MLANA: variants seen among roughly 807,000 people sequenced by gnomAD.
MLANA encodes melanoma antigen recognized by T-cells 1.
Under a neutral mutation model 15.7 loss-of-function variants are expected in MLANA, and 21 were observed. That is an observed-to-expected ratio of 1.33 (90% confidence interval 0.95 to 1.92). The LOEUF is 1.92. MLANA is among the 40% of genes most tolerant of loss of function. MLANA has a pLI of 0.00. For missense variants in MLANA, 164 were observed against 143.8 expected (o/e 1.14, Z -0.72); for synonymous variants, 56 against 51.5 (o/e 1.09, Z -0.37).
rs887810052 is a variant in MLANA at position 5,910,163 on chromosome 9, T to A, written c.*1455T>A. ...GCTGTCTTTGACATAACTGGAAGGCTTACAAGAGTTTTAAAGAAATTACTT... is the reference window on the plus strand; with the variant it reads ...GCTGTCTTTGACATAACTGGAAGGCATACAAGAGTTTTAAAGAAATTACTT... On this transcript the variant is annotated 3_prime_UTR_variant, in exon 5 of 5. Coordinates refer to ENST00000381477, the MANE Select transcript of MLANA (RefSeq NM_005511.2). 8.5e-5 allele frequency: 13 copies of A among 152,346 alleles called. No individual in the cohort carries two copies. In the East Asian group the frequency reaches 1.9e-3, roughly 23 times the overall value. The allele number at this position is 152,346 out of a possible 1,614,324, so 9.4% of individuals were successfully genotyped here. A position where few individuals can be genotyped will look rare whatever the true frequency, so the allele number is the denominator to read the frequency against.
chr9:5,906,159 T>TAGG (rs1266131115), intron 3 of MLANA, among the ~76,000 whole-genome samples: 1 of 149,574 alleles, frequency 6.7e-6, no homozygotes, highest in Non-Finnish European at 1.5e-5. Context: ...AAGACCAGCC[T>TAGG]AGGCAACTTA....
At chr9:5,908,212 AG>A (rs1204743663) in intron 4 of MLANA, among the ~76,000 whole-genome samples, 1 of 152,222 alleles carries the variant, frequency 6.6e-6, no homozygotes, top group Non-Finnish European at 1.5e-5. Context: ...CATTAAATGA[AG>A]CCCTGACACA....
chr9:5,896,493 G>A (rs1832032108), intron 2 of MLANA, among the ~76,000 whole-genome samples: 1 of 152,192 alleles, frequency 6.6e-6, no homozygotes, highest in Non-Finnish European at 1.5e-5. Flanking sequence ...TGAGACAGAA[G>A]TTGTCCAGTA....
At chr9:5,906,404 T>TCC (rs1324839156) in intron 3 of MLANA, among the ~76,000 whole-genome samples, 1 of 152,162 alleles carries the variant, frequency 6.6e-6, no homozygotes, top group Non-Finnish European at 1.5e-5. Context: ...TTCTTGGATG[T>TCC]TCTTCCTTTA....
At chr9:5,908,544 G>T in intron 4 of MLANA, 96 bp from the exon 5 acceptor site, 1 of 1,086,002 alleles carries the variant, frequency 9.2e-7, no homozygotes, top group Non-Finnish European at 1.4e-6. Context: ...CAGTCCACAG[G>T]GAAAGTATAA....
At chr9:5,900,019 A>G (rs1832312241) in intron 3 of MLANA, among the ~76,000 whole-genome samples, 1 of 152,238 alleles carries the variant, frequency 6.6e-6, no homozygotes, top group African/African-American at 2.4e-5. Flanking sequence ...TTCATTATAT[A>G]TTTGTATATC....
chr9:5,899,790 A>G (rs1483944516), intron 3 of MLANA, among the ~76,000 whole-genome samples: 1 of 152,180 alleles, frequency 6.6e-6, no homozygotes, highest in Non-Finnish European at 1.5e-5. Context: ...TCATCTTCAT[A>G]TCTCCAGTGC....
At chr9:5,898,977 C>T (rs1343890353) in intron 3 of MLANA, 5 of 152,116 alleles carry the variant, frequency 3.3e-5, no homozygotes, top group Non-Finnish European at 7.3e-5. Flanking sequence ...TTACACAATC[C>T]AATCTTCTGG....
At position 5,897,890 on chromosome 9, in the gene MLANA, C is replaced by T. The variant is rs534944680; in HGVS notation, c.174+237C>T. Among the ~76,000 whole-genome samples the T allele has an allele frequency of 2.9e-3, 448 of 152,228 alleles. 3 individuals are homozygous for T. The highest frequency in any genetic ancestry group is 6.8e-3 in the Middle Eastern group (2 of 294). ...CTTAGTCTGTGATTATAACATAATA[C>T]GAGAGACTGTAATTTATAAATAAAT... On this transcript the variant is annotated intron_variant, in intron 3 of 4. Coordinates refer to ENST00000381477, the MANE Select transcript of MLANA (RefSeq NM_005511.2).
At chr9:5,893,434 C>T (rs1188878815) in intron 2 of MLANA, among the ~76,000 whole-genome samples, 3 of 152,160 alleles carry the variant, frequency 2.0e-5, no homozygotes, top group East Asian at 3.8e-4. Flanking sequence ...AACAGTCAAC[C>T]GCAGGGACCA....
chr9:5,894,034 G>C lies in MLANA; in HGVS notation c.77+1483G>C, dbSNP rs1455370772. On this transcript the variant is annotated intron_variant, in intron 2 of 4. Transcript: ENST00000381477. This position sits in a 1 kb window ranked among gnomAD's most constrained non-coding sequence, Gnocchi z 4.0. ...GGCGCTGGGATTTAAATCCAGGTCT[G>C]TTTGCCTCCAGAGTCCATGCTCTTA... Among the ~76,000 whole-genome samples the C allele has an allele frequency of 6.6e-6, 1 of 152,072 alleles. No individual in the cohort carries two copies. Among genetic ancestry groups the C allele is most frequent in the Non-Finnish European group, 1.5e-5 (1 of 68,030 alleles).
intron 2 of MLANA, among the ~76,000 whole-genome samples, chr9:5,895,943 A>C (rs1011219477): frequency 6.6e-6 from 1 of 152,240 alleles, no homozygotes; most frequent in African/African-American, 2.4e-5. Context: ...TGGACGCCAC[A>C]GGGTAAAATG....
intron 4 of MLANA, 61 bp downstream of exon 4, chr9:5,907,059 A>T: frequency 9.2e-7 from 1 of 1,091,560 alleles, no homozygotes; most frequent in Non-Finnish European, 1.3e-6. Context: ...TCAAGTGAAT[A>T]CAATTATTTC....
chr9:5,906,358 G>GA (rs1286393758), intron 3 of MLANA, among the ~76,000 whole-genome samples: 4 of 148,106 alleles, frequency 2.7e-5, no homozygotes, highest in African/African-American at 5.1e-5. Flanking sequence ...GAAAAGAAAA[G>GA]AAAAAAAAAG....
intron 3 of MLANA, chr9:5,898,970 C>T (rs758329722): frequency 6.6e-6 from 1 of 152,182 alleles, no homozygotes; most frequent in Non-Finnish European, 1.5e-5. Flanking sequence ...AACACAATTA[C>T]ACAATCCAAT....
intron 2 of MLANA, among the ~76,000 whole-genome samples, chr9:5,895,383 CTTTT>C (rs547452355): frequency 7.0e-6 from 1 of 143,766 alleles, no homozygotes; most frequent in African/African-American, 2.5e-5. Flanking sequence ...GGGCCATCTT[CTTTT>C]TTTTTTTTTA....
chr9:5,903,415 T>C (rs1218686571), intron 3 of MLANA, among the ~76,000 whole-genome samples: 1 of 152,246 alleles, frequency 6.6e-6, no homozygotes, highest in African/African-American at 2.4e-5. Context: ...GATTTGCTAA[T>C]ATGTTGTTGA....
At chr9:5,907,084 G>A in intron 4 of MLANA, 86 bp downstream of exon 4, 2 of 940,128 alleles carry the variant, frequency 2.1e-6, no homozygotes, top group Non-Finnish European at 3.1e-6. Context: ...TAAAAAGCAA[G>A]GACAATGTGA....
intron 3 of MLANA, among the ~76,000 whole-genome samples, chr9:5,906,667 G>C (rs1237239909): frequency 6.6e-6 from 1 of 152,204 alleles, no homozygotes; most frequent in African/African-American, 2.4e-5. Flanking sequence ...TTTACTTCTA[G>C]TTAATTCCCA....
Sources: gnomAD v4.1 joint callset for allele counts (sites outside exome capture counted in the v4.1 genomes callset) on GRCh38, gnomAD v4.1.1 for gene constraint, Gnocchi (gnomAD v3.1) non-coding constraint, MANE v1.5 for transcripts, NCBI Gene and HGNC (gene_info 2026-07-23, HGNC 2026-07-21) for gene names.